Variants in ZFYVE21 observed in about 807,000 individuals in gnomAD.
ZFYVE21 encodes the protein zinc finger FYVE domain-containing protein 21.
In ZFYVE21, 21 loss-of-function variants were observed where a neutral mutation model predicts 29.5. That is an observed-to-expected ratio of 0.71 (90% CI 0.50 to 1.02). The LOEUF (loss-of-function observed/expected upper bound fraction) is 1.02. ZFYVE21 is among the 50% of genes least tolerant of loss of function. The probability of loss-of-function intolerance (pLI) is 0.00; values close to 1 mark genes in which losing one functional copy is unlikely to be tolerated. For missense variants in ZFYVE21, 326 were observed against 335.4 expected (o/e 0.97, Z 0.22); for synonymous variants, 151 against 133.8 (o/e 1.13, Z -0.89).
chr14:103,732,097 T>A (rs1205270237), intron 5 of ZFYVE21: 1 of 152,510 alleles, frequency 6.6e-6, no homozygotes, highest in Admixed American at 6.5e-5. Context: ...CCCTCTGTGC[T>A]GACGCCGCTT....
Position 103,727,844 on chromosome 14 carries a change from C to G in ZFYVE21, c.288C>G (p.Cys96Trp). ...GCTTTGTGGACCCCGTGCGGCAGTG[C>G]GCGGAGTGCGCCCTCGTGTCCCTCA... ...RMCFVDPVRQ[C>W]AECALVSLKE... The change falls in exon 3 of 7, where the codon TGC becomes TGG. Residue 96 changes from cysteine to tryptophan, a missense_variant. Physicochemically the swap from Cys to Trp is radical, Grantham distance 215 (BLOSUM62 -2). Coordinates refer to ENST00000311141, the MANE Select transcript of ZFYVE21 (RefSeq NM_024071.4). 1 of 1,613,206 alleles carries G rather than the reference C, an allele frequency of 6.2e-7. No homozygotes were observed. The highest frequency in any genetic ancestry group is 8.5e-7 in the Non-Finnish European group (1 of 1,179,892).
At chr14:103,729,379 C>T in intron 5 of ZFYVE21, 197 bp downstream of exon 5, 1 of 600,052 alleles carries the variant, frequency 1.7e-6, no homozygotes, top group Non-Finnish European at 2.9e-6. Flanking sequence ...TGAGTGGAGA[C>T]TTAAACTGTA....
intron 1 of ZFYVE21, chr14:103,725,514 C>T (rs1352417156): frequency 6.6e-6 from 1 of 152,326 alleles, no homozygotes; most frequent in Non-Finnish European, 1.5e-5. Context: ...CTGCAGCCCT[C>T]GGGAGCTTGG....
At chr14:103,719,427 C>T (rs2083855066) in intron 1 of ZFYVE21, among the ~76,000 whole-genome samples, 1 of 150,878 alleles carries the variant, frequency 6.6e-6, no homozygotes, top group African/African-American at 2.4e-5. Flanking sequence ...TGCACTTCAG[C>T]CTGGGTGACA....
At chr14:103,718,960 A>G (rs2083851150) in intron 1 of ZFYVE21, among the ~76,000 whole-genome samples, 1 of 152,172 alleles carries the variant, frequency 6.6e-6, no homozygotes, top group South Asian at 2.1e-4. Flanking sequence ...AGCGGGGAGA[A>G]CAGGGGACCC....
intron 5 of ZFYVE21, chr14:103,730,192 GAGGC>G: frequency 3.4e-6 from 1 of 293,490 alleles, no homozygotes; most frequent in South Asian, 5.3e-5. Context: ...CCTTCCCCCC[GAGGC>G]CTGCTGCTCC....
chr14:103,726,740 G>A (rs1035177346), intron 1 of ZFYVE21, 52 bp from the exon 2 acceptor site: 8 of 1,609,750 alleles, frequency 5.0e-6, no homozygotes, highest in African/African-American at 2.7e-5. Context: ...GTGCCCCAGC[G>A]ACGTGGTGAG....
intron 1 of ZFYVE21, among the ~76,000 whole-genome samples, chr14:103,721,424 C>T (rs1459112098): frequency 1.3e-5 from 2 of 152,232 alleles, no homozygotes; most frequent in African/African-American, 2.4e-5. Flanking sequence ...AGCTTCCCGC[C>T]GAGCCTGTGA....
chr14:103,729,878 G>A (rs1275546477), intron 5 of ZFYVE21: 9 of 1,535,280 alleles, frequency 5.9e-6, no homozygotes, highest in South Asian at 4.8e-5. Context: ...GGGGCTCCCC[G>A]CATGCAGCGG....
chr14:103,729,197 G>A lies in ZFYVE21; in HGVS notation c.526+15G>A, dbSNP rs750823120. ...CCCTCCTGGAGGTAAATGCCAGCAC[G>A]TCCTTTCCTAAGCCAGGAGGGTTTG... On this transcript the variant is annotated intron_variant, in intron 5 of 6. Coordinates refer to ENST00000311141, the MANE Select transcript of ZFYVE21 (RefSeq NM_024071.4). The A allele has an allele frequency of 1.1e-5, 17 of 1,613,622 alleles. No homozygotes were observed. The highest frequency in any genetic ancestry group is 3.3e-5 in the South Asian group (3 of 91,072).
rs139385017 is a variant in ZFYVE21 at position 103,727,866 on chromosome 14, C to T, written c.310C>T (p.Leu104Phe). 5.7e-5 allele frequency: 92 copies of T among 1,613,030 alleles called. No homozygotes were observed. Among genetic ancestry groups the T allele is most frequent in the Non-Finnish European group, 7.0e-5 (82 of 1,179,810 alleles). ...RQCAECALVS[L>F]KEAEFYDKQL... is the part of the protein sequence containing the mutation. ...GTGCGCGGAGTGCGCCCTCGTGTCC[C>T]TCAAGGAGGCGGAGTTCTACGACAA... The change falls in exon 3 of 7, where the codon CTC becomes TTC. Residue 104 changes from leucine (L) to phenylalanine (F), a missense_variant. Coordinates refer to ENST00000311141, the MANE Select transcript of ZFYVE21 (RefSeq NM_024071.4).
rs1245327655 is a variant in ZFYVE21 at position 103,716,006 on chromosome 14, C to T, written c.138+27C>T. 2.5e-6 allele frequency: 3 copies of T among 1,209,290 alleles called. No individual in the cohort carries two copies. Among genetic ancestry groups the T allele is most frequent in the Non-Finnish European group, 3.1e-6 (3 of 968,188 alleles). 74.9% of individuals were successfully genotyped at this position (1,209,290 alleles called of 1,614,324 possible). On this transcript the variant is annotated intron_variant, in intron 1 of 6. Transcript: ENST00000311141. This position sits in a 1 kb window ranked among gnomAD's most constrained non-coding sequence, Gnocchi z 4.8. Reference sequence around the variant, plus strand: ...TGGGTGGCCGTCGCCCCGGCCAGCGCCTCCGACCCGCCCCGCCGCCCCGGC... The same window carrying T: ...TGGGTGGCCGTCGCCCCGGCCAGCGTCTCCGACCCGCCCCGCCGCCCCGGC...
intron 2 of ZFYVE21, chr14:103,727,360 G>GCCCCCCCCCCCCCCCTCCCCCCCCC: frequency 8.4e-6 from 3 of 358,082 alleles, no homozygotes; most frequent in African/African-American, 2.1e-5. Flanking sequence ...GCACCCACCT[G>GCCCCCCCCCCCCCCCTCCCCCCCCC]CCCCCCGCCC....
intron 5 of ZFYVE21, chr14:103,731,373 G>A (rs942656016): frequency 1.3e-5 from 2 of 151,604 alleles, no homozygotes; most frequent in Admixed American, 6.6e-5. Flanking sequence ...GTTAAGGCGG[G>A]CAGATCACCT....
intron 1 of ZFYVE21, among the ~76,000 whole-genome samples, chr14:103,721,318 C>G (rs1342935761): frequency 2.0e-5 from 3 of 152,190 alleles, no homozygotes; most frequent in Admixed American, 1.3e-4. Flanking sequence ...GAAGTGTGTT[C>G]CGAAATTTCA....
intron 1 of ZFYVE21, among the ~76,000 whole-genome samples, chr14:103,718,211 G>A (rs1002629819): frequency 3.9e-5 from 6 of 152,312 alleles, no homozygotes; most frequent in East Asian, 1.9e-4. Context: ...GCCGTGTGCC[G>A]ATCGGCATCA....
intron 1 of ZFYVE21, among the ~76,000 whole-genome samples, chr14:103,721,586 G>A (rs906788734): frequency 1.3e-5 from 2 of 152,208 alleles, no homozygotes; most frequent in African/African-American, 2.4e-5. Flanking sequence ...ATCCTAGGGG[G>A]CAGTGTCTGT....
intron 1 of ZFYVE21, among the ~76,000 whole-genome samples, chr14:103,722,200 G>A (rs914317441): frequency 6.6e-6 from 1 of 151,998 alleles, no homozygotes; most frequent in Non-Finnish European, 1.5e-5. Context: ...TTGCTCTGTT[G>A]ATAATTTTTT....
rs758266464 is a variant in ZFYVE21 at position 103,733,068 on chromosome 14, G to A, written c.*50G>A. 111 of 1,612,410 alleles carry A rather than the reference G, an allele frequency of 6.9e-5. 1 individual carries two copies. The Middle Eastern group carries it at 9.9e-4, about 14-fold the overall frequency. ...TACGTGTGGTCACCAGGACTGAGTCGCTTGGAACAGCAGAGCCTGCTCCTT... is the reference window on the plus strand; with the variant it reads ...TACGTGTGGTCACCAGGACTGAGTCACTTGGAACAGCAGAGCCTGCTCCTT... On this transcript the variant is annotated 3_prime_UTR_variant, in exon 7 of 7. Transcript: ENST00000311141.
Sources: gnomAD v4.1 joint callset for allele counts (sites outside exome capture counted in the v4.1 genomes callset) on GRCh38, gnomAD v4.1.1 for gene constraint, Gnocchi (gnomAD v3.1) non-coding constraint, MANE v1.5 for transcripts, NCBI Gene and HGNC (gene_info 2026-07-23, HGNC 2026-07-21) for gene names.